Variants in KIR3DL2 observed in about 807,000 individuals in gnomAD.
KIR3DL2 encodes killer cell immunoglobulin-like receptor 3DL2.
In KIR3DL2, 42 loss-of-function variants were observed where a neutral mutation model predicts 41.6. The ratio of observed to expected loss-of-function variants is 1.01; its 90% CI spans 0.79 to 1.31. The LOEUF (loss-of-function observed/expected upper bound fraction) is 1.31. KIR3DL2 is among the 50% of genes most tolerant of loss of function. KIR3DL2 has a pLI of 0.00. For missense variants in KIR3DL2, 728 were observed against 576.8 expected (o/e 1.26, Z -2.68); for synonymous variants, 230 against 221.3 (o/e 1.04, Z -0.35).
intron 6 of KIR3DL2, among the ~76,000 whole-genome samples, chr19:54,862,222 G>C (rs1258851523): frequency 6.6e-6 from 1 of 152,114 alleles, no homozygotes; most frequent in Non-Finnish European, 1.5e-5. Flanking sequence ...CTGGCTGTTT[G>C]ACATAAGAGA....
At chr19:54,854,476 T>C (rs971973757) in intron 4 of KIR3DL2, among the ~76,000 whole-genome samples, 2 of 151,890 alleles carry the variant, frequency 1.3e-5, no homozygotes, top group African/African-American at 4.8e-5. Flanking sequence ...CCTTGTGGCA[T>C]CTACAGATGC....
At chr19:54,851,127 G>A (rs1176064332) in intron 1 of KIR3DL2, 93 bp from the exon 2 acceptor site, 7 of 1,498,568 alleles carry the variant, frequency 4.7e-6, no homozygotes, top group African/African-American at 2.8e-5. Flanking sequence ...AGCCCAGCAA[G>A]GGCCTGGCTG....
At position 54,866,637 on chromosome 19, in the gene KIR3DL2, C is replaced by G. The variant is rs1174460093; in HGVS notation, c.1274C>G (p.Thr425Ser). ...SQRPKTPLTDTSVYTELPNAE... is the reference protein window; with the variant it reads ...SQRPKTPLTDSSVYTELPNAE... ...AGGCCCAAGACACCCCTAACAGATA[C>G]CAGCGTGTACACGGAACTTCCAAAT... The change falls in exon 9 of 9, where the codon ACC becomes AGC. Residue 425 changes from threonine to serine, a missense_variant. Physicochemically the swap from Thr to Ser is moderately conservative, Grantham distance 58 (BLOSUM62 1). Transcript: ENST00000326321. The G allele has an allele frequency of 6.2e-7, 1 of 1,613,994 alleles. No individual in the cohort carries two copies. The highest frequency in any genetic ancestry group is 8.5e-7 in the Non-Finnish European group (1 of 1,179,978).
chr19:54,853,554 C>T (rs2064473722), intron 3 of KIR3DL2, among the ~76,000 whole-genome samples, 193 bp from the exon 4 acceptor site: 1 of 151,438 alleles, frequency 6.6e-6, no homozygotes, highest in African/African-American at 2.4e-5. Flanking sequence ...CTACTGGAGA[C>T]AGAGGGACAG....
At chr19:54,852,867 T>G (rs1307315448) in intron 3 of KIR3DL2, among the ~76,000 whole-genome samples, 1 of 151,052 alleles carries the variant, frequency 6.6e-6, no homozygotes, top group African/African-American at 2.5e-5. Context: ...CAGTGTGTTC[T>G]CTCCTGCTGC....
At chr19:54,860,298 G>A (rs1446570923) in intron 6 of KIR3DL2, among the ~76,000 whole-genome samples, 1 of 152,114 alleles carries the variant, frequency 6.6e-6, no homozygotes, top group East Asian at 1.9e-4. Flanking sequence ...GGCAGAAAAT[G>A]TAGGCACAAG....
At chr19:54,851,307 T>C in intron 2 of KIR3DL2, 52 bp downstream of exon 2, 1 of 1,580,492 alleles carries the variant, frequency 6.3e-7, no homozygotes, top group East Asian at 2.3e-5. Context: ...AAGAGGATTT[T>C]TCTGAAACAG....
chr19:54,855,818 C>T lies in KIR3DL2; in HGVS notation c.855C>T (p.Ala285=). 1 of 1,612,470 alleles carries T rather than the reference C, an allele frequency of 6.2e-7. No homozygotes were observed. Among genetic ancestry groups the T allele is most frequent in the Non-Finnish European group, 8.5e-7 (1 of 1,179,152 alleles). Reference sequence around the variant, plus strand: ...AGGCAGACTTTCCTCTGGGCCCTGCCACCCACGGAGGGACCTACAGATGCT... The same window carrying T: ...AGGCAGACTTTCCTCTGGGCCCTGCTACCCACGGAGGGACCTACAGATGCT... The part of the protein sequence containing the change: ...TFQADFPLGP[A]THGGTYRCFG... The change falls in exon 5 of 9, where the codon GCC becomes GCT. Residue 285 remains alanine, a synonymous_variant. Coordinates refer to ENST00000326321, the MANE Select transcript of KIR3DL2 (RefSeq NM_006737.4).
Position 54,853,942 on chromosome 19 carries a change from C to A in KIR3DL2, c.551C>A (p.Pro184His), listed in dbSNP as rs781366836. The change falls in exon 4 of 9, where the codon CCC (proline) becomes CAC (histidine). Residue 184 changes from proline (P) to histidine (H), a missense_variant. Pro to His is a moderately conservative substitution (Grantham distance 77, BLOSUM62 -2). Coordinates refer to ENST00000326321, the MANE Select transcript of KIR3DL2 (RefSeq NM_006737.4). ...TCCAAGGCCAACTTCTCCATCGGTC[C>A]CTTGATGCCTGTCCTTGCAGGAACC... ...GVSKANFSIG[P>H]LMPVLAGTYR... is the part of the protein sequence containing the mutation. 1 of 1,613,258 alleles carries A rather than the reference C, an allele frequency of 6.2e-7. No homozygotes were observed. Among genetic ancestry groups the A allele is most frequent in the East Asian group, 2.2e-5 (1 of 44,880 alleles).
At chr19:54,852,311 CT>C (rs1373524906) in intron 3 of KIR3DL2, 29 bp downstream of exon 3, 1 of 1,596,020 alleles carries the variant, frequency 6.3e-7, no homozygotes, top group African/African-American at 1.4e-5. Context: ...GGGCTTCTCA[CT>C]GTCCCACCTC....
intron 2 of KIR3DL2, 144 bp downstream of exon 2, chr19:54,851,399 C>A: frequency 2.4e-6 from 2 of 841,902 alleles, no homozygotes; most frequent in South Asian, 1.5e-5. Context: ...TGACCTCGCC[C>A]TCCCTGGCCT....
chr19:54,854,209 A>T (rs1346977626), intron 4 of KIR3DL2, among the ~76,000 whole-genome samples, 163 bp downstream of exon 4: 5 of 151,838 alleles, frequency 3.3e-5, no homozygotes, highest in Middle Eastern at 3.4e-3. Context: ...AACAGGAGAC[A>T]TAAGTACAGA....
rs796792000 is a variant in KIR3DL2, at chr19:54,857,017, C to T, written c.949+1105C>T. ...AGTCATATGAGTGCAGATATCACTT[C>T]GATACACTGATGTCCTTTCCTTTGG... is the stretch of plus-strand genomic sequence containing the variant. On this transcript the variant is annotated intron_variant, in intron 5 of 8. Transcript: ENST00000326321. Among the ~76,000 whole-genome samples the T allele has an allele frequency of 9.5e-4, 145 of 151,992 alleles. 1 individual carries two copies. Among genetic ancestry groups the T allele is most frequent in the African/African-American group, 2.9e-3 (120 of 41,434 alleles).
At chr19:54,851,711 A>G (rs2064256236) in intron 2 of KIR3DL2, among the ~76,000 whole-genome samples, 2 of 151,838 alleles carry the variant, frequency 1.3e-5, no homozygotes, top group African/African-American at 2.4e-5. Context: ...TTCCATTCAC[A>G]TAGGACATGC....
At chr19:54,864,196 A>G (rs1016531744) in intron 6 of KIR3DL2, among the ~76,000 whole-genome samples, 5 of 151,842 alleles carry the variant, frequency 3.3e-5, no homozygotes, top group South Asian at 2.1e-4. Context: ...TGAGGGCTCT[A>G]TTCTGTTCCA....
chr19:54,850,537 G>A (rs1439858714), intron 1 of KIR3DL2, 28 bp downstream of exon 1: 3 of 1,608,208 alleles, frequency 1.9e-6, no homozygotes, highest in African/African-American at 2.7e-5. Context: ...ATAGAGGGAG[G>A]GAGAGTGGGG....
In KIR3DL2 at chr19:54,862,181, G is replaced by T. The variant is rs149274732; in HGVS notation, c.1000+3052G>T. ...GTGTCTCGCGAGATCACAAAGAGTA[G>T]CACGTTTCACATGGGCTTCATCATT... On this transcript the variant is annotated intron_variant, in intron 6 of 8. Coordinates refer to ENST00000326321, the MANE Select transcript of KIR3DL2 (RefSeq NM_006737.4). 1.6e-3 allele frequency among the ~76,000 whole-genome samples: 241 copies of T among 152,230 alleles called. 1 individual carries two copies. Among genetic ancestry groups the T allele is most frequent in the Middle Eastern group, 3.4e-3 (1 of 294 alleles).
In KIR3DL2 at chr19:54,866,850, A is replaced by G. The variant is rs2065570047; in HGVS notation, c.*119A>G. ...TCTTCCTCACACCACGAATCTGAAC[A>G]TGCCTCTCTCTTGCTTACAAATGCC... On this transcript the variant is annotated 3_prime_UTR_variant, in exon 9 of 9. Coordinates refer to ENST00000326321, the MANE Select transcript of KIR3DL2 (RefSeq NM_006737.4). 9 of 1,129,938 alleles carry G rather than the reference A, an allele frequency of 8.0e-6. No individual in the cohort carries two copies. The highest frequency in any genetic ancestry group is 2.4e-5 in the East Asian group (1 of 42,248). 70.0% of individuals were successfully genotyped at this position (1,129,938 alleles called of 1,614,324 possible). A position where few individuals can be genotyped will look rare whatever the true frequency, so the allele number is the denominator to read the frequency against.
At chr19:54,861,733 C>T (rs616577) in intron 6 of KIR3DL2, among the ~76,000 whole-genome samples, 52,478 of 149,344 alleles carry the variant, frequency 0.35, 9,270 homozygotes, top group South Asian at 0.39. Context: ...TTTTTCTATT[C>T]CTCTATAATT....
Sources: allele counts gnomAD v4.1 joint callset (sites outside exome capture counted in the v4.1 genomes callset), GRCh38; gene constraint gnomAD v4.1.1; transcripts MANE v1.5; gene names NCBI Gene and HGNC (gene_info 2026-07-23, HGNC 2026-07-21).